The following NUP153 variants were observed in gnomAD, a reference collection of about 807,000 sequenced individuals.
The protein encoded by NUP153 is nucleoporin 153.
A neutral mutation model predicts 134.6 loss-of-function variants in NUP153; 27 were observed. The observed-to-expected ratio is 0.20, with a 90% CI of 0.15 to 0.28. The LOEUF (loss-of-function observed/expected upper bound fraction) is 0.28, where lower values mean the gene tolerates loss of function less well. NUP153 is among the 10% of genes least tolerant of loss of function. The pLI, the probability that NUP153 is intolerant of heterozygous loss-of-function variation, is 1.00. For synonymous variants in NUP153, 640 were observed against 623.5 expected, an observed-to-expected ratio of 1.03 and a Z score of -0.40; for missense variants, 1,821 against 1,731.3, an observed-to-expected ratio of 1.05 and a Z score of -0.92.
rs1387914297 is a variant in NUP153 at position 17,668,861 on chromosome 6, A to AC, written c.1068+113_1068+114insG. 1.0e-5 allele frequency: 7 copies of AC among 698,350 alleles called. No homozygotes were observed. In the South Asian group the frequency reaches 1.3e-4, roughly 13 times the overall value. The allele number at this position is 698,350 out of a possible 1,614,324, so 43.3% of individuals were successfully genotyped here. A position where few individuals can be genotyped will look rare whatever the true frequency, so the allele number is the denominator to read the frequency against. ...GAGACTCAAAAAAAAAAAGAATATT[A>AC]TTTTTCAAACATGTTCCCTAATGTC... On this transcript the variant is annotated intron_variant, in intron 8 of 21. Transcript: ENST00000262077.
chr6:17,672,386 T>G (rs1359667028), intron 5 of NUP153, among the ~76,000 whole-genome samples: 1 of 152,054 alleles, frequency 6.6e-6, no homozygotes, highest in Non-Finnish European at 1.5e-5. Flanking sequence ...AACACCAGCC[T>G]AGGCAACTTA....
At chr6:17,692,646 C>A (rs946809303) in intron 1 of NUP153, among the ~76,000 whole-genome samples, 1 of 152,140 alleles carries the variant, frequency 6.6e-6, no homozygotes, top group African/African-American at 2.4e-5. Flanking sequence ...GGTTAAATGA[C>A]CCTAAGTCAT....
At chr6:17,659,888 T>C (rs1464380341) in intron 11 of NUP153, among the ~76,000 whole-genome samples, 1 of 152,220 alleles carries the variant, frequency 6.6e-6, no homozygotes, top group Non-Finnish European at 1.5e-5. Flanking sequence ...TTCAAGGTAT[T>C]TCCTTTTCAG....
At chr6:17,668,676 C>G (rs2050967064) in intron 8 of NUP153, among the ~76,000 whole-genome samples, 1 of 151,794 alleles carries the variant, frequency 6.6e-6, no homozygotes, top group African/African-American at 2.4e-5. Context: ...AACCCTATCT[C>G]TACTAAAAAT....
chr6:17,633,232 C>G (rs1432427843), intron 16 of NUP153, among the ~76,000 whole-genome samples: 1 of 152,144 alleles, frequency 6.6e-6, no homozygotes, highest in Non-Finnish European at 1.5e-5. Context: ...AAGCAGCAAG[C>G]ATTCTAAGAC....
intron 5 of NUP153, 100 bp downstream of exon 5, chr6:17,674,805 A>C: frequency 2.0e-6 from 2 of 1,014,444 alleles, no homozygotes; most frequent in Non-Finnish European, 2.7e-6. Context: ...AATAAAAAAT[A>C]AATCAAAACT....
intron 1 of NUP153, among the ~76,000 whole-genome samples, chr6:17,698,998 A>T (rs1002682014): frequency 6.6e-6 from 1 of 152,200 alleles, no homozygotes; most frequent in African/African-American, 2.4e-5. Flanking sequence ...TTTGTTTCTT[A>T]AATCACACTA....
Position 17,629,163 on chromosome 6 carries a change from C to T in NUP153, c.3036G>A (p.Glu1012=), listed in dbSNP as rs1422024683. 2 of 1,613,152 alleles carry T rather than the reference C, an allele frequency of 1.2e-6. No homozygotes were observed. The highest frequency in any genetic ancestry group is 1.3e-5 in the African/African-American group (1 of 74,910). The change falls in exon 18 of 22, where the codon GAG becomes GAA. Residue 1012 remains glutamate, a synonymous_variant. Coordinates refer to ENST00000262077, the MANE Select transcript of NUP153 (RefSeq NM_005124.4). ...VSNLGQEEKK[E]ELPKSSSAGF... ...CTGCAGAGGAAGATTTGGGCAGTTC[C>T]TCTTTCTTTTCTTCCTGTCCAAGAT...
chr6:17,673,627 C>A (rs1468201305), intron 5 of NUP153, among the ~76,000 whole-genome samples: 1 of 152,082 alleles, frequency 6.6e-6, no homozygotes, highest in Non-Finnish European at 1.5e-5. Flanking sequence ...TTAGTCATTA[C>A]GGAAGTACAA....
intron 5 of NUP153, among the ~76,000 whole-genome samples, chr6:17,673,673 T>C (rs1323386620): frequency 2.6e-5 from 4 of 152,168 alleles, no homozygotes; most frequent in Non-Finnish European, 2.9e-5. Flanking sequence ...ACTACATGCC[T>C]ACTAGAATAG....
chr6:17,695,437 A>C (rs1449353030), intron 1 of NUP153, among the ~76,000 whole-genome samples: 1 of 152,212 alleles, frequency 6.6e-6, no homozygotes, highest in Non-Finnish European at 1.5e-5. Flanking sequence ...CATAACCATG[A>C]TTATAAGCTT....
rs373519975 is a variant in NUP153, at chr6:17,637,777, T to C, written c.1847-7A>G. The C allele has an allele frequency of 1.6e-5, 26 of 1,589,370 alleles. No homozygotes were observed. Among genetic ancestry groups the C allele is most frequent in the African/African-American group, 1.2e-4 (9 of 74,468 alleles). ...ATCTTCGGCGATGCGAAACCTACAA[T>C]GAACGAAGGAGAGAGTGCAACGTTA... On this transcript the variant is annotated splice_polypyrimidine_tract_variant and splice_region_variant and intron_variant, in intron 15 of 21. Coordinates refer to ENST00000262077, the MANE Select transcript of NUP153 (RefSeq NM_005124.4).
chr6:17,704,323 G>C (rs1341094591), intron 1 of NUP153, among the ~76,000 whole-genome samples: 1 of 149,904 alleles, frequency 6.7e-6, no homozygotes, highest in Non-Finnish European at 1.5e-5. Flanking sequence ...GATAACTTCA[G>C]ACATCTGGAA....
Position 17,626,050 on chromosome 6 carries a change from T to G in NUP153, c.3659A>C (p.Asn1220Thr). 1 of 1,614,116 alleles carries G rather than the reference T, an allele frequency of 6.2e-7. No homozygotes were observed. The highest frequency in any genetic ancestry group is 8.5e-7 in the Non-Finnish European group (1 of 1,180,018). ...GIFGSSTSSSNPPVATFVFGQ... is the reference protein window; with the variant it reads ...GIFGSSTSSSTPPVATFVFGQ... Reference sequence around the variant, plus strand: ...AAACACAAAGGTAGCCACAGGTGGATTGGAGGAAGAGGTGGAACTACCAAA... The same window carrying G: ...AAACACAAAGGTAGCCACAGGTGGAGTGGAGGAAGAGGTGGAACTACCAAA... The change falls in exon 19 of 22, where the codon AAT becomes ACT. Residue 1220 changes from asparagine (N) to threonine (T), a missense_variant. Coordinates refer to ENST00000262077, the MANE Select transcript of NUP153 (RefSeq NM_005124.4).
chr6:17,656,198 C>CT (rs1290171607), intron 11 of NUP153, among the ~76,000 whole-genome samples: 1 of 152,176 alleles, frequency 6.6e-6, no homozygotes, highest in East Asian at 1.9e-4. Context: ...GAGCAAGACT[C>CT]TGACAAATAA....
Position 17,632,872 on chromosome 6 carries a change from G to T in NUP153, c.2465-28C>A, listed in dbSNP as rs552197779. 108 of 1,427,786 alleles carry T rather than the reference G, an allele frequency of 7.6e-5. 3 individuals are homozygous for T. The South Asian group carries it at 1.4e-3, about 18-fold the overall frequency. The allele number at this position is 1,427,786 out of a possible 1,614,324, so 88.4% of individuals were successfully genotyped here. On this transcript the variant is annotated intron_variant, in intron 16 of 21. Transcript: ENST00000262077. ...AAAAAAAAAAAAAAAAACGGGGAGT[G>T]GGGGGAGATTTCATGAAAATTTTAA... is the stretch of plus-strand genomic sequence containing the variant.
At chr6:17,673,967 T>C (rs966820636) in intron 5 of NUP153, among the ~76,000 whole-genome samples, 1 of 152,194 alleles carries the variant, frequency 6.6e-6, no homozygotes, top group Non-Finnish European at 1.5e-5. Flanking sequence ...TGGTGAATAA[T>C]AAACCAACTG....
intron 17 of NUP153, among the ~76,000 whole-genome samples, chr6:17,630,783 AGAGAGAAGACAG>A (rs1224229461): frequency 6.6e-6 from 1 of 150,410 alleles, no homozygotes; most frequent in African/African-American, 2.4e-5. Context: ...AGAGGAGAGA[AGAGAGAAGACAG>A]GAGAGAAGAG....
At chr6:17,672,608 G>C (rs1453730583) in intron 5 of NUP153, among the ~76,000 whole-genome samples, 1 of 152,086 alleles carries the variant, frequency 6.6e-6, no homozygotes, top group Non-Finnish European at 1.5e-5. Flanking sequence ...CGGTGCAAAA[G>C]CTATTCAATG....
Sources: allele counts gnomAD v4.1 joint callset (sites outside exome capture counted in the v4.1 genomes callset), GRCh38; gene constraint gnomAD v4.1.1; transcripts MANE v1.5; gene names NCBI Gene and HGNC (gene_info 2026-07-23, HGNC 2026-07-21).